KCNMB2: variants seen among roughly 807,000 people sequenced by gnomAD.
The protein encoded by KCNMB2 is calcium-activated potassium channel subunit beta-2.
Under a neutral mutation model 24.5 loss-of-function variants are expected in KCNMB2, and 9 were observed. The ratio of observed to expected loss-of-function variants is 0.37; its 90% confidence interval spans 0.22 to 0.64. KCNMB2 has a LOEUF of 0.64. KCNMB2 is among the 30% of genes least tolerant of loss of function. The pLI is 0.63. For missense variants in KCNMB2, 226 were observed against 284.3 expected (o/e 0.79, Z 1.47); for synonymous variants, 109 against 104.4 (o/e 1.04, Z -0.27).
chr3:178,807,817 T>A (rs550330222), intron 2 of KCNMB2, among the ~76,000 whole-genome samples: 4 of 152,280 alleles, frequency 2.6e-5, no homozygotes, highest in Admixed American at 1.3e-4. Flanking sequence ...CACCTAGCAC[T>A]GTACCTGGCA....
At chr3:178,621,848 C>T (rs1242379628) in intron 1 of KCNMB2, among the ~76,000 whole-genome samples, 1 of 152,174 alleles carries the variant, frequency 6.6e-6, no homozygotes, top group Admixed American at 6.5e-5. Flanking sequence ...GAAGTGACTG[C>T]TCTTACCTAC....
chr3:178,748,415 T>C (rs1483846788), intron 1 of KCNMB2: 1 of 152,180 alleles, frequency 6.6e-6, no homozygotes, highest in Non-Finnish European at 1.5e-5. Context: ...GATCTATAGA[T>C]CTTATCAGCT....
At chr3:178,654,767 G>A (rs1183625812) in intron 1 of KCNMB2, among the ~76,000 whole-genome samples, 3 of 152,138 alleles carry the variant, frequency 2.0e-5, no homozygotes, top group Non-Finnish European at 4.4e-5. Context: ...ATTTTGACTA[G>A]CAAAACGTAA....
intron 1 of KCNMB2, among the ~76,000 whole-genome samples, chr3:178,778,455 GACACACACACACACACACACACAC>G (rs71628070): frequency 8.6e-5 from 11 of 127,514 alleles, no homozygotes; most frequent in African/African-American, 1.6e-4. Context: ...TACCCTTTAA[GACACACACACACACACACACACAC>G]ACACACACAC....
chr3:178,610,250 T>G (rs1718435053), intron 1 of KCNMB2, among the ~76,000 whole-genome samples: 2 of 152,186 alleles, frequency 1.3e-5, no homozygotes, highest in Admixed American at 1.3e-4. Context: ...TTGGCTATTC[T>G]GGATCTTTTG....
chr3:178,732,956 A>G (rs1723200149), intron 1 of KCNMB2, among the ~76,000 whole-genome samples: 2 of 152,204 alleles, frequency 1.3e-5, no homozygotes, highest in Admixed American at 1.3e-4. Flanking sequence ...TGGGATGAGG[A>G]GCAGTGATGG....
chr3:178,590,361 T>C (rs1717620649), intron 1 of KCNMB2, among the ~76,000 whole-genome samples: 2 of 152,184 alleles, frequency 1.3e-5, no homozygotes, highest in African/African-American at 4.8e-5. Context: ...TCATCTTAGT[T>C]GACATTGGAT....
chr3:178,656,950 T>C (rs1720367054), intron 1 of KCNMB2, among the ~76,000 whole-genome samples: 2 of 152,072 alleles, frequency 1.3e-5, no homozygotes, highest in African/African-American at 4.8e-5. Flanking sequence ...AAAAATTCAC[T>C]CAGTCAAACC....
At chr3:178,809,084 TCA>T (rs1453960071) in intron 2 of KCNMB2, among the ~76,000 whole-genome samples, 1 of 152,228 alleles carries the variant, frequency 6.6e-6, no homozygotes, top group African/African-American at 2.4e-5. Context: ...TCAAGTTGAA[TCA>T]TCTTTCAGCA....
At chr3:178,540,211 A>T (rs1715570865) in intron 1 of KCNMB2, among the ~76,000 whole-genome samples, 1 of 152,192 alleles carries the variant, frequency 6.6e-6, no homozygotes, top group South Asian at 2.1e-4. Flanking sequence ...TTTCTTTTGC[A>T]CATCACAGGA....
intron 1 of KCNMB2, among the ~76,000 whole-genome samples, chr3:178,796,242 C>A (rs1342755646): frequency 6.6e-6 from 1 of 152,080 alleles, no homozygotes; most frequent in Non-Finnish European, 1.5e-5. Flanking sequence ...ATGCACCCAA[C>A]ACTGGAGCCC....
chr3:178,606,597 A>G (rs1718281140), intron 1 of KCNMB2, among the ~76,000 whole-genome samples: 1 of 151,622 alleles, frequency 6.6e-6, no homozygotes, highest in African/African-American at 2.4e-5. Context: ...TGGATGAATC[A>G]TACCTTGAGT....
Position 178,661,035 on chromosome 3 carries a change from C to T in KCNMB2, c.-68+124324C>T, listed in dbSNP as rs1267619562. The stretch of plus-strand genomic sequence containing the variant: ...TAAGTTCTGGGATACATGCGCAGAA[C>T]GTGCAGATTTGTTACATAGGTATAC... On this transcript the variant is annotated intron_variant, in intron 1 of 4. Transcript: ENST00000452583. Among the ~76,000 whole-genome samples the T allele has an allele frequency of 3.9e-5, 6 of 151,962 alleles. No homozygotes were observed. In the South Asian group the frequency reaches 1.0e-3, roughly 26 times the overall value.
intron 1 of KCNMB2, among the ~76,000 whole-genome samples, chr3:178,645,980 C>T (rs1719907275): frequency 6.6e-6 from 1 of 152,114 alleles, no homozygotes. Flanking sequence ...AATGAGGGCA[C>T]ATATTTTTTT....
intron 1 of KCNMB2, among the ~76,000 whole-genome samples, chr3:178,688,688 G>A (rs570365483): frequency 6.6e-6 from 1 of 151,936 alleles, no homozygotes; most frequent in East Asian, 1.9e-4. Context: ...TCTAGTGTTT[G>A]CTTTTTTTTT....
chr3:178,691,425 G>T (rs1162181260), intron 1 of KCNMB2, among the ~76,000 whole-genome samples: 1 of 151,388 alleles, frequency 6.6e-6, no homozygotes, highest in Non-Finnish European at 1.5e-5. Context: ...ACCTCTAATA[G>T]GGTCCCAGTG....
At chr3:178,680,687 G>C (rs1399885739) in intron 1 of KCNMB2, among the ~76,000 whole-genome samples, 2 of 151,936 alleles carry the variant, frequency 1.3e-5, no homozygotes, top group Non-Finnish European at 2.9e-5. Context: ...TGTACACAAG[G>C]GACACCACGC....
chr3:178,770,077 T>C lies in KCNMB2; in HGVS notation c.-67-37266T>C, dbSNP rs369600408. 2.0e-5 allele frequency among the ~76,000 whole-genome samples: 3 copies of C among 152,168 alleles called. No homozygotes were observed. The East Asian group carries it at 5.8e-4, about 29-fold the overall frequency. ...CAAATATTGAACTATCCTATGCAAA[T>C]CTTGACATATGTCTACATAGTTACC... On this transcript the variant is annotated intron_variant, in intron 1 of 4. Coordinates refer to ENST00000452583, the MANE Select transcript of KCNMB2 (RefSeq NM_181361.3).
chr3:178,634,275 A>C (rs1719432576), intron 1 of KCNMB2, among the ~76,000 whole-genome samples: 1 of 152,162 alleles, frequency 6.6e-6, no homozygotes, highest in South Asian at 2.1e-4. Flanking sequence ...CACTCTCTGC[A>C]GTCCCAATTT....
Sources: allele counts gnomAD v4.1 joint callset (sites outside exome capture counted in the v4.1 genomes callset), GRCh38; gene constraint gnomAD v4.1.1; transcripts MANE v1.5; gene names NCBI Gene and HGNC (gene_info 2026-07-23, HGNC 2026-07-21).